The following FANCC variants were observed in gnomAD, a reference collection of about 807,000 sequenced individuals.
FANCC encodes the protein Fanconi anemia group C protein.
FANCC carries 55 observed loss-of-function variants against 71.3 expected under a neutral mutation model. The observed-to-expected ratio is 0.77, with a 90% CI of 0.62 to 0.97. FANCC has a LOEUF of 0.97. FANCC is among the 50% of genes least tolerant of loss of function. The probability of loss-of-function intolerance (pLI) is 0.00; values close to 1 mark genes in which losing one functional copy is unlikely to be tolerated. For missense variants in FANCC, 678 were observed against 670.9 expected (o/e 1.01, Z -0.12); for synonymous variants, 275 against 244.9 (o/e 1.12, Z -1.15).
At chr9:95,267,674 T>C (rs1028017890) in intron 1 of FANCC, among the ~76,000 whole-genome samples, 6 of 152,168 alleles carry the variant, frequency 3.9e-5, no homozygotes, top group South Asian at 4.1e-4. Context: ...TAACAAAGTA[T>C]ACTTAAGACA....
chr9:95,288,989 T>A (rs1833852499), intron 1 of FANCC, among the ~76,000 whole-genome samples: 1 of 151,980 alleles, frequency 6.6e-6, no homozygotes, highest in Non-Finnish European at 1.5e-5. Context: ...TAGTCCTAGC[T>A]GCTTGGGAGG....
chr9:95,245,636 C>A (rs929870821), intron 3 of FANCC, among the ~76,000 whole-genome samples: 11 of 151,836 alleles, frequency 7.2e-5, no homozygotes, highest in African/African-American at 2.4e-4. Flanking sequence ...GTGGCTCACA[C>A]CTGTAATCCC....
intron 3 of FANCC, among the ~76,000 whole-genome samples, chr9:95,245,344 T>C (rs1210976096): frequency 6.6e-6 from 1 of 151,960 alleles, no homozygotes; most frequent in African/African-American, 2.4e-5. Flanking sequence ...CACAGAATAA[T>C]AATACAATAG....
At chr9:95,190,274 G>T (rs1188626122) in intron 4 of FANCC, among the ~76,000 whole-genome samples, 2 of 151,954 alleles carry the variant, frequency 1.3e-5, no homozygotes, top group African/African-American at 4.8e-5. Context: ...CTCCTACCTC[G>T]CCAGGACCCT....
intron 14 of FANCC, among the ~76,000 whole-genome samples, chr9:95,103,097 G>A (rs1489707818): frequency 1.3e-5 from 2 of 152,164 alleles, no homozygotes; most frequent in African/African-American, 4.8e-5. Flanking sequence ...TGAGCCTGCT[G>A]TGGACCCCTT....
At position 95,107,160 on chromosome 9, in the gene FANCC, C is replaced by T; in HGVS notation, c.1439G>A (p.Arg480Lys). The T allele has an allele frequency of 1.2e-6, 2 of 1,614,182 alleles. No individual in the cohort carries two copies. Among genetic ancestry groups the T allele is most frequent in the Non-Finnish European group, 1.7e-6 (2 of 1,180,034 alleles). ...CCTGATCAGCTGTTGTGCAGGAGCTCTGAGGTCTGTGTCTGTGCCCTGTCC... is the reference window on the plus strand; with the variant it reads ...CCTGATCAGCTGTTGTGCAGGAGCTTTGAGGTCTGTGTCTGTGCCCTGTCC... ...VAGQGTDTDL[R>K]APAQQLIRHL... The change falls in exon 14 of 15, where the codon AGA (arginine) becomes AAA (lysine). Residue 480 changes from arginine to lysine, a missense_variant. Transcript: ENST00000289081.
rs142483167 is a variant in FANCC at position 95,116,896 on chromosome 9, C to G, written c.1072+419G>C. On this transcript the variant is annotated intron_variant, in intron 11 of 14. Transcript: ENST00000289081. ...AACTTCCCCTGCATTTCCTCAGCTT[C>G]ATCCATCATTTTGTCTTTTCTTCTG... Among the ~76,000 whole-genome samples, 1,310 of 152,292 alleles carry G rather than the reference C, an allele frequency of 8.6e-3. 22 individuals are homozygous for G. Among genetic ancestry groups the G allele is most frequent in the African/African-American group, 0.03 (1,240 of 41,542 alleles).
At chr9:95,175,489 G>A (rs145877900) in intron 4 of FANCC, among the ~76,000 whole-genome samples, 50 of 152,236 alleles carry the variant, frequency 3.3e-4, no homozygotes, top group African/African-American at 1.2e-3. Flanking sequence ...CAAATCTGCC[G>A]CAAATACAGA....
intron 7 of FANCC, chr9:95,145,332 T>G (rs1163278184): frequency 6.6e-6 from 1 of 152,162 alleles, no homozygotes; most frequent in Non-Finnish European, 1.5e-5. Flanking sequence ...AAGAAATGTG[T>G]AAATCCAATG....
chr9:95,205,885 G>A (rs959009298), intron 4 of FANCC, among the ~76,000 whole-genome samples: 1 of 151,898 alleles, frequency 6.6e-6, no homozygotes, highest in Non-Finnish European at 1.5e-5. Context: ...AAACATCAAA[G>A]GAAACAAGCG....
At chr9:95,111,008 T>C (rs2071870784) in intron 13 of FANCC, 2 of 1,435,144 alleles carry the variant, frequency 1.4e-6, no homozygotes, top group Non-Finnish European at 1.8e-6. Context: ...TGAGGATCTG[T>C]TGACTGATCC....
chr9:95,160,745 T>A (rs1830696506), intron 6 of FANCC, among the ~76,000 whole-genome samples: 1 of 152,210 alleles, frequency 6.6e-6, no homozygotes, highest in Admixed American at 6.5e-5. Flanking sequence ...GTCCTTCACA[T>A]CCTTTGTAAG....
intron 1 of FANCC, among the ~76,000 whole-genome samples, chr9:95,251,213 G>C (rs937760561): frequency 6.6e-6 from 1 of 152,194 alleles, no homozygotes; most frequent in Non-Finnish European, 1.5e-5. Context: ...AAAAAATACT[G>C]AATTAAGGAA....
intron 4 of FANCC, among the ~76,000 whole-genome samples, chr9:95,188,046 A>C (rs1288051050): frequency 6.6e-6 from 1 of 151,318 alleles, no homozygotes; most frequent in African/African-American, 2.4e-5. Flanking sequence ...GTAGGTGCGA[A>C]ATAAATGTTA....
chr9:95,292,309 G>A (rs568101678), intron 1 of FANCC: 2 of 511,760 alleles, frequency 3.9e-6, no homozygotes, highest in South Asian at 8.4e-5. Context: ...ACACAACTGC[G>A]AGCTGGGCCT....
At chr9:95,264,390 A>C (rs1185031084) in intron 1 of FANCC, among the ~76,000 whole-genome samples, 1 of 152,240 alleles carries the variant, frequency 6.6e-6, no homozygotes, top group African/African-American at 2.4e-5. Context: ...TTTTATGTTG[A>C]TAGAAACCCC....
intron 1 of FANCC, among the ~76,000 whole-genome samples, chr9:95,315,716 C>T (rs571838652): frequency 6.6e-6 from 1 of 152,202 alleles, no homozygotes; most frequent in Non-Finnish European, 1.5e-5. Flanking sequence ...ATTTCCAGCC[C>T]GATTTGAGGC....
chr9:95,241,595 C>T (rs1014349029), intron 3 of FANCC, among the ~76,000 whole-genome samples: 1 of 152,180 alleles, frequency 6.6e-6, no homozygotes, highest in Non-Finnish European at 1.5e-5. Flanking sequence ...GGAGGTGAGG[C>T]TAAGACAGCC....
intron 13 of FANCC, 174 bp from the exon 14 acceptor site, chr9:95,107,443 C>T (rs551860710): frequency 3.0e-5 from 21 of 692,604 alleles, no homozygotes; most frequent in South Asian, 2.0e-4. Context: ...CCCAAATGGG[C>T]GGAATGGAAA....
Sources: gnomAD v4.1 joint callset for allele counts (sites outside exome capture counted in the v4.1 genomes callset) on GRCh38, gnomAD v4.1.1 for gene constraint, MANE v1.5 for transcripts, NCBI Gene and HGNC (gene_info 2026-07-23, HGNC 2026-07-21) for gene names.